SELP: variants seen among roughly 807,000 people sequenced by gnomAD.
SELP encodes selectin P, also known as P-selectin.
Under a neutral mutation model 104.1 loss-of-function variants are expected in SELP, and 92 were observed. The observed-to-expected ratio is 0.88, with a 90% CI of 0.75 to 1.05. The LOEUF (loss-of-function observed/expected upper bound fraction) is 1.05, where lower values mean the gene tolerates loss of function less well. Ranked by LOEUF, SELP falls within the 50% of genes least tolerant of loss-of-function variation. The pLI, the probability that SELP is intolerant of heterozygous loss-of-function variation, is 0.00. For synonymous variants in SELP, 397 were observed against 364.5 expected, an observed-to-expected ratio of 1.09 and a Z score of -1.01; for missense variants, 1,022 against 1,017.3, an observed-to-expected ratio of 1.00 and a Z score of -0.06.
chr1:169,604,793 A>G (rs1038964393), intron 9 of SELP, among the ~76,000 whole-genome samples: 6 of 152,200 alleles, frequency 3.9e-5, no homozygotes, highest in African/African-American at 1.4e-4. Flanking sequence ...TTGGTACCAC[A>G]GAACCCATTT....
At chr1:169,604,112 G>C (rs867920010) in intron 9 of SELP, among the ~76,000 whole-genome samples, 80 of 152,110 alleles carry the variant, frequency 5.3e-4, no homozygotes, top group Middle Eastern at 6.8e-3. Flanking sequence ...TCCAGCACCT[G>C]TTGTTTCCTG....
intron 7 of SELP, among the ~76,000 whole-genome samples, chr1:169,610,391 C>T (rs1445598072): frequency 6.6e-6 from 1 of 152,154 alleles, no homozygotes; most frequent in African/African-American, 2.4e-5. Context: ...TCATGCTCTT[C>T]CTTGATAAAG....
At chr1:169,619,976 G>A (rs1571673387) in intron 1 of SELP, among the ~76,000 whole-genome samples, 1 of 152,040 alleles carries the variant, frequency 6.6e-6, no homozygotes, top group East Asian at 1.9e-4. Flanking sequence ...GCTGAGGTGG[G>A]CGGATCATGA....
At position 169,612,381 on chromosome 1, in the gene SELP, T is replaced by A. The variant is rs752818663; in HGVS notation, c.797A>T (p.Lys266Met). Residue 266 changes from lysine to methionine, a missense_variant, in exon 6 of 17, where the codon AAG becomes ATG. Transcript: ENST00000263686. The part of the protein sequence containing the change: ...QCLAAQCPPL[K>M]IPERGNMTCL... ...GGTCATGTTTCCTCGTTCAGGAATC[T>A]TCAGGGGTGGGCACTGGGCAGCTAA... 6.2e-7 allele frequency: 1 copy of A among 1,614,110 alleles called. No individual in the cohort carries two copies. Among genetic ancestry groups the A allele is most frequent in the Non-Finnish European group, 8.5e-7 (1 of 1,179,982 alleles).
intron 13 of SELP, 142 bp downstream of exon 13, chr1:169,594,550 T>C (rs1014209853): frequency 2.7e-6 from 2 of 742,056 alleles, no homozygotes; most frequent in Non-Finnish European, 4.4e-6. Flanking sequence ...AGATTCTGCC[T>C]GATTCATTGT....
At chr1:169,607,491 C>T (rs1557958279) in intron 8 of SELP, among the ~76,000 whole-genome samples, 2 of 151,962 alleles carry the variant, frequency 1.3e-5, no homozygotes, top group Non-Finnish European at 2.9e-5. Context: ...ACACAAATGC[C>T]ATTAATTGAG....
chr1:169,589,687 C>T (rs1476561742), intron 16 of SELP: 1 of 152,944 alleles, frequency 6.5e-6, no homozygotes, highest in East Asian at 1.9e-4. Flanking sequence ...TTCTAGATTT[C>T]GAATATTCTG....
chr1:169,594,946 T>C, intron 12 of SELP, 69 bp from the exon 13 acceptor site: 2 of 1,412,570 alleles, frequency 1.4e-6, no homozygotes, highest in Non-Finnish European at 1.9e-6. Context: ...TAGTTTCTTT[T>C]GTAACCTAAC....
At chr1:169,610,192 A>T (rs964681680) in intron 7 of SELP, among the ~76,000 whole-genome samples, 1 of 151,722 alleles carries the variant, frequency 6.6e-6, no homozygotes, top group Non-Finnish European at 1.5e-5. Context: ...AAAAAAAAAA[A>T]GCTGGACTAG....
chr1:169,591,482 G>T, intron 14 of SELP, 26 bp from the exon 15 acceptor site: 5 of 1,446,602 alleles, frequency 3.5e-6, no homozygotes, highest in Admixed American at 2.2e-5. Context: ...AGACAAGAAT[G>T]AATGATTAAA....
chr1:169,606,773 G>A (rs759161876), intron 9 of SELP, among the ~76,000 whole-genome samples, 176 bp downstream of exon 9: 11 of 152,116 alleles, frequency 7.2e-5, no homozygotes, highest in African/African-American at 9.7e-5. Context: ...CCTATCCCCC[G>A]GAGGCATTTG....
At chr1:169,603,311 G>A (rs3886553) in intron 9 of SELP, 100 bp from the exon 10 acceptor site, 1 of 228,704 alleles carries the variant, frequency 4.4e-6, no homozygotes, top group Non-Finnish European at 6.8e-6. Flanking sequence ...CTCTCTCTGT[G>A]TGTGTGTGTG....
At chr1:169,613,262 T>C in intron 4 of SELP, 148 bp from the exon 5 acceptor site, 2 of 743,298 alleles carry the variant, frequency 2.7e-6, no homozygotes, top group Non-Finnish European at 4.2e-6. Context: ...CTTGGTCTCT[T>C]TGTATTGGCT....
intron 14 of SELP, among the ~76,000 whole-genome samples, chr1:169,593,127 C>T (rs948283919): frequency 6.6e-6 from 1 of 152,172 alleles, no homozygotes; most frequent in African/African-American, 2.4e-5. Context: ...TCACCTGTCT[C>T]CCCTACTGGA....
intron 3 of SELP, 65 bp from the exon 4 acceptor site, chr1:169,613,758 G>A (rs548490730): frequency 7.2e-5 from 99 of 1,365,620 alleles, no homozygotes; most frequent in African/African-American, 6.7e-4. Context: ...CTGAATTCTC[G>A]TTTTGACCAC....
chr1:169,619,289 T>C (rs1192172320), intron 1 of SELP, 70 bp from the exon 2 acceptor site: 2 of 1,102,028 alleles, frequency 1.8e-6, no homozygotes, highest in African/African-American at 3.1e-5. Flanking sequence ...TAATTCTAGT[T>C]AACAATCATT....
At chr1:169,591,294 TAGAAA>T (rs1379607182) in intron 15 of SELP, 127 bp downstream of exon 15, 3 of 546,850 alleles carry the variant, frequency 5.5e-6, no homozygotes, top group African/African-American at 4.0e-5. Flanking sequence ...TACTTCAGAG[TAGAAA>T]AGAAGACATT....
chr1:169,594,261 T>A (rs761292618), intron 13 of SELP, among the ~76,000 whole-genome samples: 2 of 152,014 alleles, frequency 1.3e-5, no homozygotes, highest in African/African-American at 4.8e-5. Context: ...GGGGAAAAAA[T>A]AGGGGGCTGA....
In SELP at chr1:169,591,556, C is replaced by A. The variant is rs3917838; in HGVS notation, c.2408-100G>T. On this transcript the variant is annotated intron_variant, in intron 14 of 16. Coordinates refer to ENST00000263686, the MANE Select transcript of SELP (RefSeq NM_003005.4). Reference sequence around the variant, plus strand: ...GAAATTACTGGGGAAAACCAGTAGACTGATTTTCAGGAGGGCTCATTATAA... The same window carrying A: ...GAAATTACTGGGGAAAACCAGTAGAATGATTTTCAGGAGGGCTCATTATAA... 2.8e-3 allele frequency: 2,165 copies of A among 777,142 alleles called. 35 individuals are homozygous for A. In the African/African-American group the frequency reaches 0.032, roughly 12 times the overall value. The allele number at this position is 777,142 out of a possible 1,614,324, so 48.1% of individuals were successfully genotyped here.
Sources: allele counts gnomAD v4.1 joint callset (sites outside exome capture counted in the v4.1 genomes callset), GRCh38; gene constraint gnomAD v4.1.1; transcripts MANE v1.5; gene names NCBI Gene and HGNC (gene_info 2026-07-23, HGNC 2026-07-21).